The following KCNIP4 variants were observed in gnomAD, a reference collection of about 807,000 sequenced individuals.
KCNIP4 encodes Kv channel-interacting protein 4.
KCNIP4 carries 12 observed loss-of-function variants against 34.0 expected under a neutral mutation model. That is an observed-to-expected ratio of 0.35 (90% CI 0.23 to 0.57). The LOEUF is 0.57. Among genes scored for constraint, KCNIP4 ranks in the 20% least tolerant of loss-of-function variants. KCNIP4 has a pLI of 0.83. For missense variants in KCNIP4, 238 were observed against 311.7 expected (o/e 0.76, Z 1.78); for synonymous variants, 124 against 102.2 (o/e 1.21, Z -1.29).
chr4:21,137,489 TA>T (rs1353584261), intron 1 of KCNIP4, among the ~76,000 whole-genome samples: 1 of 152,136 alleles, frequency 6.6e-6, no homozygotes, highest in Non-Finnish European at 1.5e-5. Flanking sequence ...TATCTTTAGT[TA>T]AAAAAAGAGG....
intron 1 of KCNIP4, among the ~76,000 whole-genome samples, chr4:21,753,113 A>C (rs1430651545): frequency 1.3e-5 from 2 of 152,154 alleles, no homozygotes; most frequent in East Asian, 3.9e-4. Context: ...AGTTCAGTTA[A>C]ATATCTGGCA....
intron 1 of KCNIP4, among the ~76,000 whole-genome samples, chr4:21,295,392 A>G (rs971632283): frequency 6.6e-6 from 1 of 152,202 alleles, no homozygotes; most frequent in Non-Finnish European, 1.5e-5. Context: ...GGAACTGTGT[A>G]GAGACTTTCT....
intron 1 of KCNIP4, among the ~76,000 whole-genome samples, chr4:20,901,332 G>A (rs1408279754): frequency 1.3e-5 from 2 of 152,178 alleles, no homozygotes; most frequent in African/African-American, 4.8e-5. Context: ...AATGTAATAA[G>A]GACATTGGTA....
At chr4:20,979,722 A>G (rs1329635522) in intron 1 of KCNIP4, among the ~76,000 whole-genome samples, 1 of 151,570 alleles carries the variant, frequency 6.6e-6, no homozygotes, top group Non-Finnish European at 1.5e-5. Context: ...TTACCTGTGA[A>G]CTCATCTTCA....
intron 1 of KCNIP4, among the ~76,000 whole-genome samples, chr4:21,389,621 G>A (rs1722356233): frequency 6.6e-6 from 1 of 151,782 alleles, no homozygotes; most frequent in African/African-American, 2.4e-5. Flanking sequence ...TCCCTACAAA[G>A]GCCATGAACT....
At chr4:21,503,713 G>T (rs554535387) in intron 1 of KCNIP4, among the ~76,000 whole-genome samples, 1 of 152,146 alleles carries the variant, frequency 6.6e-6, no homozygotes, top group Non-Finnish European at 1.5e-5. Flanking sequence ...GGATTTACCA[G>T]AATGGTCATA....
At position 20,909,944 on chromosome 4, in the gene KCNIP4, C is replaced by T. The variant is rs547982592; in HGVS notation, c.62-27235G>A. Among the ~76,000 whole-genome samples, 291 of 152,186 alleles carry T rather than the reference C, an allele frequency of 1.9e-3. 1 individual carries two copies. Among genetic ancestry groups the T allele is most frequent in the African/African-American group, 6.5e-3 (271 of 41,534 alleles). On this transcript the variant is annotated intron_variant, in intron 1 of 8. Coordinates refer to ENST00000382152, the MANE Select transcript of KCNIP4 (RefSeq NM_025221.6). ...GCTGCCAGCACCGATATCACTGAGC[C>T]GCTAAATCAATGTGAACAAAAACTT...
At chr4:21,174,901 CA>C (rs5856608) in intron 1 of KCNIP4, among the ~76,000 whole-genome samples, 63,071 of 115,574 alleles carry the variant, frequency 0.55, 13,594 homozygotes, top group Non-Finnish European at 0.57. Flanking sequence ...GACACTGTCT[CA>C]AAAAAAAAAA....
At chr4:20,749,451 A>G (rs577163725) in intron 5 of KCNIP4, among the ~76,000 whole-genome samples, 115 of 152,288 alleles carry the variant, frequency 7.6e-4, no homozygotes, top group Non-Finnish European at 1.2e-3. Flanking sequence ...TCCTTGTATG[A>G]GCCGATATAA....
rs555988464 is a variant in KCNIP4 at position 21,897,942 on chromosome 4, A to G, written c.61+50629T>C. On this transcript the variant is annotated intron_variant, in intron 1 of 8. Transcript: ENST00000382152. ...AGCAGGCACGTGGTGTAGAGGGAGAATCTGTGTGTTTGGGGGAGGGAAAGT... is the reference window on the plus strand; with the variant it reads ...AGCAGGCACGTGGTGTAGAGGGAGAGTCTGTGTGTTTGGGGGAGGGAAAGT... 5.3e-5 allele frequency among the ~76,000 whole-genome samples: 8 copies of G among 152,132 alleles called. No homozygotes were observed. In the East Asian group the frequency reaches 1.6e-3, roughly 29 times the overall value.
chr4:21,869,681 T>C (rs1725645156), intron 1 of KCNIP4, among the ~76,000 whole-genome samples: 2 of 132,154 alleles, frequency 1.5e-5, no homozygotes, highest in Admixed American at 7.9e-5. Context: ...ACGCTTAATA[T>C]CTCTCTCTCT....
At chr4:21,708,636 CTT>C (rs1713475884) in intron 1 of KCNIP4, among the ~76,000 whole-genome samples, 1 of 152,116 alleles carries the variant, frequency 6.6e-6, no homozygotes, top group African/African-American at 2.4e-5. Flanking sequence ...GGGATGTGGT[CTT>C]GGTAATGCAT....
At chr4:20,903,948 G>A (rs1391155688) in intron 1 of KCNIP4, among the ~76,000 whole-genome samples, 1 of 152,106 alleles carries the variant, frequency 6.6e-6, no homozygotes, top group East Asian at 1.9e-4. Context: ...ATCAATTTTA[G>A]ATCAACTGCT....
chr4:21,472,341 A>C (rs1730541745), intron 1 of KCNIP4, among the ~76,000 whole-genome samples: 1 of 152,042 alleles, frequency 6.6e-6, no homozygotes, highest in Non-Finnish European at 1.5e-5. Flanking sequence ...AGAACCTGGA[A>C]TCCTGAACCA....
chr4:21,455,868 C>A (rs1411990041), intron 1 of KCNIP4, among the ~76,000 whole-genome samples: 2 of 96,190 alleles, frequency 2.1e-5, no homozygotes, highest in Admixed American at 1.2e-4. Context: ...GACTTAGATA[C>A]AATTGTGTAT....
At chr4:21,947,619 C>T (rs1050383484) in intron 1 of KCNIP4, among the ~76,000 whole-genome samples, 6 of 152,160 alleles carry the variant, frequency 3.9e-5, no homozygotes, top group African/African-American at 1.4e-4. Flanking sequence ...AGTGGAAACA[C>T]CTCTTTGCTT....
chr4:20,764,820 A>G (rs1323348755), intron 3 of KCNIP4, among the ~76,000 whole-genome samples: 1 of 151,832 alleles, frequency 6.6e-6, no homozygotes, highest in African/African-American at 2.4e-5. Context: ...GCATAAAGCA[A>G]TTTGCCTGTT....
chr4:21,596,036 AAG>A (rs1339354902), intron 1 of KCNIP4, among the ~76,000 whole-genome samples: 5 of 152,072 alleles, frequency 3.3e-5, no homozygotes, highest in African/African-American at 9.7e-5. Flanking sequence ...TTTGCATTAG[AAG>A]ACACTTAGTT....
At chr4:21,155,318 C>T (rs893802236) in intron 1 of KCNIP4, among the ~76,000 whole-genome samples, 1 of 152,144 alleles carries the variant, frequency 6.6e-6, no homozygotes, top group African/African-American at 2.4e-5. Context: ...AGGAAATGTA[C>T]ATATTGCCTC....
Sources: gnomAD v4.1 joint callset for allele counts (sites outside exome capture counted in the v4.1 genomes callset) on GRCh38, gnomAD v4.1.1 for gene constraint, MANE v1.5 for transcripts, NCBI Gene and HGNC (gene_info 2026-07-23, HGNC 2026-07-21) for gene names.